Variants in LCN10 observed in about 807,000 individuals in gnomAD.
The protein encoded by LCN10 is epididymal-specific lipocalin-10.
A neutral mutation model predicts 25.1 loss-of-function variants in LCN10; 18 were observed. The ratio of observed to expected loss-of-function variants is 0.72; its 90% CI spans 0.50 to 1.06. The LOEUF is 1.06. Among genes scored for constraint, LCN10 ranks in the 50% least tolerant of loss-of-function variants. The probability of loss-of-function intolerance (pLI) is 0.00; values close to 1 mark genes in which losing one functional copy is unlikely to be tolerated. For missense variants in LCN10, 257 were observed against 258.9 expected, an observed-to-expected ratio of 0.99 and a Z score of 0.05; for synonymous variants, 130 against 116.7, an observed-to-expected ratio of 1.11 and a Z score of -0.73.
chr9:136,740,791 C>A lies in LCN10; in HGVS notation c.475+45G>T, dbSNP rs1472465614. The A allele has an allele frequency of 6.6e-7, 1 of 1,518,566 alleles. No individual in the cohort carries two copies. The highest frequency in any genetic ancestry group is 9.0e-7 in the Non-Finnish European group (1 of 1,111,626). 94.1% of individuals were successfully genotyped at this position (1,518,566 alleles called of 1,614,324 possible). ...GCCCAGCGCCCCTCTATGCCTCCCT[C>A]TGCACCCCCTCCACCATCCTCTGCC... On this transcript the variant is annotated intron_variant, in intron 4 of 5. Transcript: ENST00000497771. The surrounding 1 kb of genome is among the most constrained non-coding windows in gnomAD (Gnocchi z 5.3).
rs1348172182 is a variant in LCN10, at chr9:136,740,183, G to A, written c.476-135C>T. The A allele has an allele frequency of 3.6e-5, 25 of 697,868 alleles. No individual in the cohort carries two copies. The highest frequency in any genetic ancestry group is 5.7e-5 in the Non-Finnish European group (22 of 389,004). 43.2% of individuals were successfully genotyped at this position (697,868 alleles called of 1,614,324 possible). A position where few individuals can be genotyped will look rare whatever the true frequency, so the allele number is the denominator to read the frequency against. On this transcript the variant is annotated intron_variant, in intron 4 of 5. Coordinates refer to ENST00000497771, the MANE Select transcript of LCN10 (RefSeq NM_001001712.3). The surrounding 1 kb of genome is among the most constrained non-coding windows in gnomAD (Gnocchi z 5.3). ...AGGCGTGAAGCAGGGGTTGGCCAGG[G>A]GAGGACAGCGGCCGCTGGGCCCCTC...
rs1410883639 is a variant in LCN10 at position 136,739,529 on chromosome 9, G to T, written c.599C>A (p.Pro200Gln). 6.2e-7 allele frequency: 1 copy of T among 1,600,336 alleles called. No individual in the cohort carries two copies. The highest frequency in any genetic ancestry group is 2.3e-5 in the East Asian group (1 of 44,312). Residue 200 changes from proline to glutamine, a missense_variant, in exon 6 of 6, where the codon CCA (proline) becomes CAA (glutamine). Pro to Gln is a moderately conservative substitution (Grantham distance 76, BLOSUM62 -1). Transcript: ENST00000497771. This position sits in a 1 kb window ranked among gnomAD's most constrained non-coding sequence, Gnocchi z 6.1. ...KDASRTHTIL[P>Q] is the part of the protein sequence containing the mutation. ...AAGAGCAGAGGACGCTGGCTCTCAT[G>T]GCAGGATGGTGTGTGTACGGGACGC...
In LCN10 at chr9:136,739,431, C is replaced by G; in HGVS notation, c.*94G>C. On this transcript the variant is annotated 3_prime_UTR_variant, in exon 6 of 6. Coordinates refer to ENST00000497771, the MANE Select transcript of LCN10 (RefSeq NM_001001712.3). This position sits in a 1 kb window ranked among gnomAD's most constrained non-coding sequence, Gnocchi z 6.1. ...TGACCTAGAGTCACCAAACACCTCT[C>G]AACAAGCCGTGGTCTCCACTTGACA... is the stretch of plus-strand genomic sequence containing the variant. The G allele has an allele frequency of 1.5e-6, 2 of 1,376,378 alleles. No homozygotes were observed. Among genetic ancestry groups the G allele is most frequent in the South Asian group, 2.5e-5 (2 of 80,220 alleles). 85.3% of individuals were successfully genotyped at this position (1,376,378 alleles called of 1,614,324 possible). A position where few individuals can be genotyped will look rare whatever the true frequency, so the allele number is the denominator to read the frequency against.
Position 136,740,191 on chromosome 9 carries a change from G to T in LCN10, c.476-143C>A. On this transcript the variant is annotated intron_variant, in intron 4 of 5. Transcript: ENST00000497771. This position sits in a 1 kb window ranked among gnomAD's most constrained non-coding sequence, Gnocchi z 5.3. ...AGCAGGGGTTGGCCAGGGGAGGACAGCGGCCGCTGGGCCCCTCCCCACTTA... is the reference window on the plus strand; with the variant it reads ...AGCAGGGGTTGGCCAGGGGAGGACATCGGCCGCTGGGCCCCTCCCCACTTA... The T allele has an allele frequency of 1.5e-6, 1 of 674,288 alleles. No homozygotes were observed. 41.8% of individuals were successfully genotyped at this position (674,288 alleles called of 1,614,324 possible). A position where few individuals can be genotyped will look rare whatever the true frequency, so the allele number is the denominator to read the frequency against.
rs373886246 is a variant in LCN10, at chr9:136,742,826, C to T, written c.78G>A (p.Glu26=). The T allele has an allele frequency of 1.1e-4, 181 of 1,613,626 alleles. 4 individuals carry two copies. The highest frequency in any genetic ancestry group is 9.7e-4 in the South Asian group (88 of 91,088). Residue 26 remains glutamate, a synonymous_variant, in exon 1 of 6, where the codon GAG becomes GAA. Transcript: ENST00000497771. ...GGGCGTGGGACTCCCTGGGGTACCA[C>T]TCCTGCACCTGGGACCCTGCAGCCA... ...LVLAAGSQVQ[E]WYPRESHALN... is the part of the protein sequence containing the mutation.
In LCN10 at chr9:136,738,499, C is replaced by T. The variant is rs773489318; in HGVS notation, c.*1026G>A. 2.1e-4 allele frequency: 32 copies of T among 152,198 alleles called. No individual in the cohort carries two copies. The highest frequency in any genetic ancestry group is 4.1e-4 in the South Asian group (2 of 4,826). 9.4% of individuals were successfully genotyped at this position (152,198 alleles called of 1,614,324 possible). A position where few individuals can be genotyped will look rare whatever the true frequency, so the allele number is the denominator to read the frequency against. On this transcript the variant is annotated 3_prime_UTR_variant, in exon 6 of 6. Coordinates refer to ENST00000497771, the MANE Select transcript of LCN10 (RefSeq NM_001001712.3). The stretch of plus-strand genomic sequence containing the variant: ...CCTTACCCCGTCATGGCTGAGGACT[C>T]GGGTTCAGGGTTTCTTTGGGATCCC...
rs558005516 is a variant in LCN10, at chr9:136,740,821, G to C, written c.475+15C>G. Reference sequence around the variant, plus strand: ...CCCCCTCCACCATCCTCTGCCATCCGCTGTGCCTGCTCACGGAAGAGCAGC... The same window carrying C: ...CCCCCTCCACCATCCTCTGCCATCCCCTGTGCCTGCTCACGGAAGAGCAGC... On this transcript the variant is annotated intron_variant, in intron 4 of 5. Coordinates refer to ENST00000497771, the MANE Select transcript of LCN10 (RefSeq NM_001001712.3). This position sits in a 1 kb window ranked among gnomAD's most constrained non-coding sequence, Gnocchi z 5.3. 46 of 1,599,770 alleles carry C rather than the reference G, an allele frequency of 2.9e-5. No homozygotes were observed. The highest frequency in any genetic ancestry group is 3.9e-5 in the Non-Finnish European group (46 of 1,171,420).
intron 2 of LCN10, 44 bp downstream of exon 2, chr9:136,741,837 T>C (rs1275303125): frequency 1.9e-6 from 3 of 1,562,040 alleles, no homozygotes; most frequent in Admixed American, 1.9e-5. Flanking sequence ...AGCTCCCTCC[T>C]CCTGGAAGGG....
rs528901260 is a variant in LCN10 at position 136,739,202 on chromosome 9, G to A, written c.*323C>T. 349 of 329,970 alleles carry A rather than the reference G, an allele frequency of 1.1e-3. 3 individuals are homozygous for A. In the South Asian group the frequency reaches 0.013, roughly 12 times the overall value. 20.4% of individuals were successfully genotyped at this position (329,970 alleles called of 1,614,324 possible). On this transcript the variant is annotated 3_prime_UTR_variant, in exon 6 of 6. Coordinates refer to ENST00000497771, the MANE Select transcript of LCN10 (RefSeq NM_001001712.3). This position sits in a 1 kb window ranked among gnomAD's most constrained non-coding sequence, Gnocchi z 6.1. ...GCGGCGGCGTGGAGGGCAGAGGCAAGGCACACGGCGAGGACTGCGTTGGGC... is the reference window on the plus strand; with the variant it reads ...GCGGCGGCGTGGAGGGCAGAGGCAAAGCACACGGCGAGGACTGCGTTGGGC...
At chr9:136,742,745 A>C (rs746148898) in intron 1 of LCN10, 42 bp downstream of exon 1, 1 of 1,608,018 alleles carries the variant, frequency 6.2e-7, no homozygotes, top group South Asian at 1.1e-5. Context: ...CTCCAGCTCC[A>C]GAGCCGGCGC....
Position 136,739,628 on chromosome 9 carries a change from C to A in LCN10, c.575-75G>T. On this transcript the variant is annotated intron_variant, in intron 5 of 5. Transcript: ENST00000497771. The surrounding 1 kb of genome is among the most constrained non-coding windows in gnomAD (Gnocchi z 6.1). ...ACATGAGCCGTGAACACGTCTCCCC[C>A]GGCCGCTCCCTGGTTCCATGCGTGC... The A allele has an allele frequency of 7.1e-7, 1 of 1,404,416 alleles. No homozygotes were observed. Among genetic ancestry groups the A allele is most frequent in the Non-Finnish European group, 9.9e-7 (1 of 1,012,948 alleles). The allele number at this position is 1,404,416 out of a possible 1,614,324, so 87.0% of individuals were successfully genotyped here.
Position 136,739,960 on chromosome 9 carries a change from G to T in LCN10, c.564C>A (p.Leu188=), listed in dbSNP as rs576702839. 8 of 1,588,600 alleles carry T rather than the reference G, an allele frequency of 5.0e-6. No individual in the cohort carries two copies. The Admixed American group carries it at 1.4e-4, about 28-fold the overall frequency. The change falls in exon 5 of 6, where the codon CTC becomes CTA. Residue 188 remains leucine (L), a synonymous_variant. Transcript: ENST00000497771. This position sits in a 1 kb window ranked among gnomAD's most constrained non-coding sequence, Gnocchi z 6.1. Reference sequence around the variant, plus strand: ...GAGGGCACAGCTTACCGTCTTTCGGGAGGATGACGGCGGCCTTGGAGAGCC... The same window carrying T: ...GAGGGCACAGCTTACCGTCTTTCGGTAGGATGACGGCGGCCTTGGAGAGCC... ...ILGLSKAAVI[L]PKDASRTHTI... is the part of the protein sequence containing the mutation.
rs1846867002 is a variant in LCN10 at position 136,738,561 on chromosome 9, G to T, written c.*964C>A. Reference sequence around the variant, plus strand: ...GAAGGTCCATTCATTCAGTTGGGGGGTTCATCTCAGACAACCTCCCGTCAT... The same window carrying T: ...GAAGGTCCATTCATTCAGTTGGGGGTTTCATCTCAGACAACCTCCCGTCAT... On this transcript the variant is annotated 3_prime_UTR_variant, in exon 6 of 6. Transcript: ENST00000497771. 6.6e-6 allele frequency: 1 copy of T among 152,110 alleles called. No individual in the cohort carries two copies. The highest frequency in any genetic ancestry group is 6.5e-5 in the Admixed American group (1 of 15,268). 9.4% of individuals were successfully genotyped at this position (152,110 alleles called of 1,614,324 possible). A position where few individuals can be genotyped will look rare whatever the true frequency, so the allele number is the denominator to read the frequency against.
Position 136,740,317 on chromosome 9 carries a change from A to C in LCN10, c.476-269T>G. On this transcript the variant is annotated intron_variant, in intron 4 of 5. Coordinates refer to ENST00000497771, the MANE Select transcript of LCN10 (RefSeq NM_001001712.3). The surrounding 1 kb of genome is among the most constrained non-coding windows in gnomAD (Gnocchi z 5.3). ...CCAGCCAGCCCCTCAGCTGTGCCCC[A>C]GCTTGCTGCACCCTGAGCGTGCCCT... The C allele has an allele frequency of 1.9e-6, 1 of 522,240 alleles. No homozygotes were observed. The highest frequency in any genetic ancestry group is 3.4e-5 in the East Asian group (1 of 29,596). 32.4% of individuals were successfully genotyped at this position (522,240 alleles called of 1,614,324 possible).
At position 136,740,379 on chromosome 9, in the gene LCN10, A is replaced by C; in HGVS notation, c.476-331T>G. 1 of 443,098 alleles carries C rather than the reference A, an allele frequency of 2.3e-6. No individual in the cohort carries two copies. Among genetic ancestry groups the C allele is most frequent in the Non-Finnish European group, 4.2e-6 (1 of 238,088 alleles). The allele number at this position is 443,098 out of a possible 1,614,324, so 27.4% of individuals were successfully genotyped here. A position where few individuals can be genotyped will look rare whatever the true frequency, so the allele number is the denominator to read the frequency against. On this transcript the variant is annotated intron_variant, in intron 4 of 5. Transcript: ENST00000497771. The surrounding 1 kb of genome is among the most constrained non-coding windows in gnomAD (Gnocchi z 5.3). Reference sequence around the variant, plus strand: ...GACCCCAGGACCCCACCTCCCCTCTACCCGTTCCAACCGGGAGGGCCACTC... The same window carrying C: ...GACCCCAGGACCCCACCTCCCCTCTCCCCGTTCCAACCGGGAGGGCCACTC...
rs145847068 is a variant in LCN10, at chr9:136,741,937, C to T, written c.201G>A (p.Ala67=). 1.6e-5 allele frequency: 26 copies of T among 1,611,182 alleles called. No homozygotes were observed. Among genetic ancestry groups the T allele is most frequent in the East Asian group, 1.1e-4 (5 of 44,836 alleles). ...LPARDKRKLG[A]SVVKVNKVGQ... ...CCACTTTGTTCACCTTTACCACGGA[C>T]GCCCCCAGCTTCCTCTTGTCCCTGG... is the stretch of plus-strand genomic sequence containing the variant. The change falls in exon 2 of 6, where the codon GCG becomes GCA. Residue 67 remains alanine, a synonymous_variant. Transcript: ENST00000497771.
Position 136,740,694 on chromosome 9 carries a change from A to C in LCN10, c.475+142T>G. The C allele has an allele frequency of 1.6e-6, 1 of 616,894 alleles. No individual in the cohort carries two copies. The allele number at this position is 616,894 out of a possible 1,614,324, so 38.2% of individuals were successfully genotyped here. A position where few individuals can be genotyped will look rare whatever the true frequency, so the allele number is the denominator to read the frequency against. On this transcript the variant is annotated intron_variant, in intron 4 of 5. Coordinates refer to ENST00000497771, the MANE Select transcript of LCN10 (RefSeq NM_001001712.3). The surrounding 1 kb of genome is among the most constrained non-coding windows in gnomAD (Gnocchi z 5.3). ...CCTGACTGCTGTGGTCTCGGCTTCC[A>C]TTGCCCCTGCCCTGACCACCGCCCC... is the stretch of plus-strand genomic sequence containing the variant.
In LCN10 at chr9:136,738,682, A is replaced by C. The variant is rs1050904419; in HGVS notation, c.*843T>G. 2 of 152,244 alleles carry C rather than the reference A, an allele frequency of 1.3e-5. No individual in the cohort carries two copies. Among genetic ancestry groups the C allele is most frequent in the Admixed American group, 1.3e-4 (2 of 15,270 alleles). The allele number at this position is 152,244 out of a possible 1,614,324, so 9.4% of individuals were successfully genotyped here. On this transcript the variant is annotated 3_prime_UTR_variant, in exon 6 of 6. Coordinates refer to ENST00000497771, the MANE Select transcript of LCN10 (RefSeq NM_001001712.3). Reference sequence around the variant, plus strand: ...CTCCTCTGTGGCTCTCCCCGCCGCCATTCTGATACTGGCGTCCCCAATCTC... The same window carrying C: ...CTCCTCTGTGGCTCTCCCCGCCGCCCTTCTGATACTGGCGTCCCCAATCTC...
Position 136,739,343 on chromosome 9 carries a change from C to T in LCN10, c.*182G>A, listed in dbSNP as rs1166625482. 1.5e-6 allele frequency: 1 copy of T among 648,174 alleles called. No individual in the cohort carries two copies. The highest frequency in any genetic ancestry group is 2.7e-6 in the Non-Finnish European group (1 of 368,664). 40.2% of individuals were successfully genotyped at this position (648,174 alleles called of 1,614,324 possible). A position where few individuals can be genotyped will look rare whatever the true frequency, so the allele number is the denominator to read the frequency against. On this transcript the variant is annotated 3_prime_UTR_variant, in exon 6 of 6. Transcript: ENST00000497771. The surrounding 1 kb of genome is among the most constrained non-coding windows in gnomAD (Gnocchi z 6.1). ...TCGCCACCCGGTCAGCCTGTATCCT[C>T]CTTCCCCCATCTTTCTGTGATCATA...
Sources: allele counts gnomAD v4.1 joint callset, GRCh38; gene constraint gnomAD v4.1.1; non-coding constraint Gnocchi (gnomAD v3.1); transcripts MANE v1.5; gene names NCBI Gene and HGNC (gene_info 2026-07-23, HGNC 2026-07-21).